GRM8: variants seen among roughly 807,000 people sequenced by gnomAD.
The protein encoded by GRM8 is glutamate metabotropic receptor 8.
Under a neutral mutation model 87.2 loss-of-function variants are expected in GRM8, and 47 were observed. That is an observed-to-expected ratio of 0.54 (90% CI 0.43 to 0.69). The LOEUF is 0.69. GRM8 is among the 30% of genes least tolerant of loss of function. GRM8 has a pLI of 0.00. For synonymous variants in GRM8, 396 were observed against 404.5 expected (o/e 0.98, Z 0.25); for missense variants, 1,019 against 1,139.2 (o/e 0.89, Z 1.52).
At chr7:126,799,679 G>A (rs749730075) in intron 6 of GRM8, among the ~76,000 whole-genome samples, 2 of 152,102 alleles carry the variant, frequency 1.3e-5, no homozygotes, top group East Asian at 3.9e-4. Context: ...GGGGCACTCA[G>A]CTATTAGTAA....
chr7:126,601,695 T>G (rs1797789853), intron 8 of GRM8, among the ~76,000 whole-genome samples: 1 of 149,668 alleles, frequency 6.7e-6, no homozygotes. Flanking sequence ...ATGATGAGCA[T>G]TTTTTCATGT....
rs1033283789 is a variant in GRM8, at chr7:126,707,148, T to A, written c.1357+62717A>T. On this transcript the variant is annotated intron_variant, in intron 7 of 10. Coordinates refer to ENST00000339582, the MANE Select transcript of GRM8 (RefSeq NM_000845.3). The stretch of plus-strand genomic sequence containing the variant: ...GCAAAACCCTATCTCTATTTTTTTT[T>A]AAATGTCTAATGAAAAAAGAAATCC... Among the ~76,000 whole-genome samples the A allele has an allele frequency of 1.4e-4, 21 of 152,152 alleles. No individual in the cohort carries two copies. The East Asian group carries it at 1.7e-3, about 13-fold the overall frequency.
chr7:127,197,544 A>G (rs761640783), intron 2 of GRM8, among the ~76,000 whole-genome samples: 1 of 152,012 alleles, frequency 6.6e-6, no homozygotes. Flanking sequence ...TTTTGTTGTG[A>G]CTAAACAATC....
At chr7:126,668,835 C>T (rs1249635241) in intron 7 of GRM8, among the ~76,000 whole-genome samples, 1 of 152,056 alleles carries the variant, frequency 6.6e-6, no homozygotes, top group East Asian at 1.9e-4. Flanking sequence ...TTCCTTTTGC[C>T]TGTCTGTGTA....
intron 2 of GRM8, among the ~76,000 whole-genome samples, chr7:127,135,784 T>C (rs552242180): frequency 6.6e-6 from 1 of 152,242 alleles, no homozygotes; most frequent in South Asian, 2.1e-4. Context: ...AGATAGGTCA[T>C]TTTCTCCATT....
At chr7:126,869,968 G>C (rs1430299878) in intron 6 of GRM8, 3 of 128,700 alleles carry the variant, frequency 2.3e-5, no homozygotes, top group Non-Finnish European at 4.8e-5. Flanking sequence ...AAAAGTCCTA[G>C]ATGGAATCTT....
intron 8 of GRM8, among the ~76,000 whole-genome samples, chr7:126,575,264 A>AT (rs754484075): frequency 6.0e-5 from 9 of 151,152 alleles, no homozygotes; most frequent in Admixed American, 4.6e-4. Flanking sequence ...TCTAGGATGC[A>AT]TACTTGTTAT....
At chr7:127,061,310 C>T (rs1021473403) in intron 3 of GRM8, among the ~76,000 whole-genome samples, 2 of 152,120 alleles carry the variant, frequency 1.3e-5, no homozygotes, top group East Asian at 1.9e-4. Flanking sequence ...TATCTCATTT[C>T]GTGCAGTTAC....
chr7:127,061,416 CA>C (rs1421100683), intron 3 of GRM8, among the ~76,000 whole-genome samples: 2 of 151,930 alleles, frequency 1.3e-5, no homozygotes, highest in African/African-American at 4.8e-5. Context: ...CATTTTTAAC[CA>C]AAAAAATACA....
At chr7:126,972,057 A>G (rs1810485395) in intron 3 of GRM8, among the ~76,000 whole-genome samples, 2 of 152,200 alleles carry the variant, frequency 1.3e-5, no homozygotes, top group South Asian at 2.1e-4. Context: ...ACAGGTCCCT[A>G]GGCTGAGTAG....
At chr7:126,797,499 A>T (rs1179764020) in intron 6 of GRM8, among the ~76,000 whole-genome samples, 1 of 152,086 alleles carries the variant, frequency 6.6e-6, no homozygotes, top group East Asian at 1.9e-4. Flanking sequence ...TCTAAATACC[A>T]TGCCATGCTC....
intron 3 of GRM8, among the ~76,000 whole-genome samples, chr7:126,995,695 A>G (rs764850357): frequency 1.3e-5 from 2 of 152,266 alleles, no homozygotes; most frequent in Non-Finnish European, 2.9e-5. Flanking sequence ...ATAAAAAATA[A>G]TAAAGTAAGC....
At chr7:127,227,643 T>G (rs996231364) in intron 2 of GRM8, among the ~76,000 whole-genome samples, 5 of 152,228 alleles carry the variant, frequency 3.3e-5, no homozygotes, top group African/African-American at 1.2e-4. Flanking sequence ...AGCTTCAAAA[T>G]AGAATTTTGG....
At chr7:126,463,292 A>G (rs1262857371) in intron 9 of GRM8, among the ~76,000 whole-genome samples, 1 of 151,604 alleles carries the variant, frequency 6.6e-6, no homozygotes, top group African/African-American at 2.4e-5. Context: ...ATAAAATTGT[A>G]TACTCAGTGC....
intron 7 of GRM8, among the ~76,000 whole-genome samples, chr7:126,673,086 C>G (rs1806560987): frequency 6.6e-6 from 1 of 152,088 alleles, no homozygotes; most frequent in African/African-American, 2.4e-5. Flanking sequence ...TGGAAGTTGG[C>G]ACCCTTTGCA....
intron 6 of GRM8, among the ~76,000 whole-genome samples, chr7:126,864,290 T>A (rs910115336): frequency 2.6e-5 from 4 of 152,174 alleles, no homozygotes; most frequent in Admixed American, 2.6e-4. Context: ...CTCTACTACA[T>A]ACAGTTACCT....
intron 3 of GRM8, among the ~76,000 whole-genome samples, chr7:127,016,057 G>T (rs1310133915): frequency 6.6e-6 from 1 of 152,066 alleles, no homozygotes; most frequent in Non-Finnish European, 1.5e-5. Flanking sequence ...CACTGCCCTA[G>T]TTCTCAAGCC....
chr7:126,772,268 G>A (rs2151614111), intron 6 of GRM8, among the ~76,000 whole-genome samples: 1 of 152,276 alleles, frequency 6.6e-6, no homozygotes, highest in South Asian at 2.1e-4. Context: ...AAAGAGGCAA[G>A]TGACGAGGAA....
chr7:126,953,854 G>C (rs1163658958), intron 3 of GRM8, among the ~76,000 whole-genome samples: 1 of 152,060 alleles, frequency 6.6e-6, no homozygotes, highest in Non-Finnish European at 1.5e-5. Flanking sequence ...CTGCTAAATG[G>C]ATGACTACTT....
Sources: gnomAD v4.1 joint callset for allele counts (sites outside exome capture counted in the v4.1 genomes callset) on GRCh38, gnomAD v4.1.1 for gene constraint, MANE v1.5 for transcripts, NCBI Gene and HGNC (gene_info 2026-07-23, HGNC 2026-07-21) for gene names.